Variants in DBNL observed in about 807,000 individuals in gnomAD.
DBNL encodes the protein drebrin like, also known as drebrin-like protein.
DBNL carries 35 observed loss-of-function variants against 62.2 expected under a neutral mutation model. The ratio of observed to expected loss-of-function variants is 0.56; its 90% CI spans 0.43 to 0.75. The LOEUF is 0.75. DBNL is among the 30% of genes least tolerant of loss of function. The pLI is 0.00. For synonymous variants in DBNL, 197 were observed against 218.0 expected (o/e 0.90, Z 0.85); for missense variants, 495 against 578.4 (o/e 0.86, Z 1.48).
chr7:44,057,028 AAC>A, intron 5 of DBNL, 125 bp downstream of exon 5: 1 of 1,399,258 alleles, frequency 7.1e-7, no homozygotes, highest in Non-Finnish European at 9.7e-7. Context: ...TGCAGATGGT[AAC>A]CCCTGAGCTG....
chr7:44,044,977 C>A, intron 1 of DBNL, 157 bp downstream of exon 1: 1 of 640,690 alleles, frequency 1.6e-6, no homozygotes, highest in Non-Finnish European at 2.4e-6. Flanking sequence ...CACACCGCAG[C>A]AGGAGTGCTG....
rs201126185 is a variant in DBNL at position 44,062,828 on chromosome 7, A to C, written c.*1912A>C. On this transcript the variant is annotated 3_prime_UTR_variant, in exon 13 of 13. Transcript: ENST00000448521. Reference sequence around the variant, plus strand: ...CTTCCGCACCGTTTCCTCATCACCCAGGAACTGCATGGGCTTGGTGGGCTT... The same window carrying C: ...CTTCCGCACCGTTTCCTCATCACCCCGGAACTGCATGGGCTTGGTGGGCTT... 6.2e-7 allele frequency: 1 copy of C among 1,614,168 alleles called. No individual in the cohort carries two copies. Among genetic ancestry groups the C allele is most frequent in the African/African-American group, 1.3e-5 (1 of 75,052 alleles).
In DBNL at chr7:44,064,666, A is replaced by AT; in HGVS notation, c.*3753dup. ...TCCCAGTTACACAGAAATGGGGAAA[A>AT]TTTCACAAAACTAAAAAATGGCTTC... On this transcript the variant is annotated 3_prime_UTR_variant, in exon 13 of 13. Transcript: ENST00000448521. 2 of 670,962 alleles carry AT rather than the reference A, an allele frequency of 3.0e-6. No individual in the cohort carries two copies. Among genetic ancestry groups the AT allele is most frequent in the East Asian group, 5.4e-5 (2 of 36,724 alleles). The allele number at this position is 670,962 out of a possible 1,614,324, so 41.6% of individuals were successfully genotyped here.
At chr7:44,050,334 C>G in intron 2 of DBNL, 54 bp downstream of exon 2, 1 of 1,595,884 alleles carries the variant, frequency 6.3e-7, no homozygotes, top group South Asian at 1.1e-5. Flanking sequence ...AGGGTGACGA[C>G]GAGGGGTCAG....
chr7:44,064,072 C>T lies in DBNL; in HGVS notation c.*3156C>T, dbSNP rs2096154399. 1.3e-5 allele frequency: 2 copies of T among 152,560 alleles called. No homozygotes were observed. The highest frequency in any genetic ancestry group is 2.4e-5 in the African/African-American group (1 of 41,468). The allele number at this position is 152,560 out of a possible 1,614,324, so 9.5% of individuals were successfully genotyped here. On this transcript the variant is annotated 3_prime_UTR_variant, in exon 13 of 13. Coordinates refer to ENST00000448521, the MANE Select transcript of DBNL (RefSeq NM_001014436.3). The stretch of plus-strand genomic sequence containing the variant: ...GGAGGTCTGGGGCACACCCTTCTAG[C>T]CTTTCCAGGACTCAACAAGCTTTAA...
chr7:44,054,333 C>T (rs2079797370), intron 4 of DBNL, among the ~76,000 whole-genome samples: 2 of 152,094 alleles, frequency 1.3e-5, no homozygotes, highest in Admixed American at 1.3e-4. Flanking sequence ...GTTGGGATTA[C>T]AGGTGCCTGC....
rs1223580598 is a variant in DBNL, at chr7:44,059,529, G to C, written c.932-14G>C. On this transcript the variant is annotated splice_polypyrimidine_tract_variant and intron_variant, in intron 10 of 12. Transcript: ENST00000448521. The surrounding 1 kb of genome is among the most constrained non-coding windows in gnomAD (Gnocchi z 4.1). ...ATGTGTGGGAGTGAGAACCTGCTGTGTTCCCTGGTGCAGATCTCCCTGCTG... is the reference window on the plus strand; with the variant it reads ...ATGTGTGGGAGTGAGAACCTGCTGTCTTCCCTGGTGCAGATCTCCCTGCTG... The C allele has an allele frequency of 6.2e-7, 1 of 1,613,526 alleles. No individual in the cohort carries two copies. The highest frequency in any genetic ancestry group is 8.5e-7 in the Non-Finnish European group (1 of 1,179,840).
Position 44,059,373 on chromosome 7 carries a change from C to T in DBNL, c.855C>T (p.Phe285=). The change falls in exon 10 of 13, where the codon TTC becomes TTT. Residue 285 remains phenylalanine (F), a synonymous_variant. Transcript: ENST00000448521. The surrounding 1 kb of genome is among the most constrained non-coding windows in gnomAD (Gnocchi z 4.1). ...TTGCAGGCAAGCTGAGGAGCCCCTTCCTGCAGAAGCAGCTCACCCAACCAG... is the reference window on the plus strand; with the variant it reads ...TTGCAGGCAAGCTGAGGAGCCCCTTTCTGCAGAAGCAGCTCACCCAACCAG... ...SPQPGKLRSP[F]LQKQLTQPET... is the part of the protein sequence containing the mutation. 1 of 1,614,064 alleles carries T rather than the reference C, an allele frequency of 6.2e-7. No homozygotes were observed. Among genetic ancestry groups the T allele is most frequent in the Non-Finnish European group, 8.5e-7 (1 of 1,179,984 alleles).
At position 44,060,743 on chromosome 7, in the gene DBNL, C is replaced by A; in HGVS notation, c.1154-34C>A. ...GAGCAGGTGGGATGTGGGAGGGAGC[C>A]CCTGATATGCATCTGGGCTCATCCT... On this transcript the variant is annotated intron_variant, in intron 12 of 12. Coordinates refer to ENST00000448521, the MANE Select transcript of DBNL (RefSeq NM_001014436.3). This position sits in a 1 kb window ranked among gnomAD's most constrained non-coding sequence, Gnocchi z 6.3. The A allele has an allele frequency of 6.2e-7, 1 of 1,602,720 alleles. No homozygotes were observed. Among genetic ancestry groups the A allele is most frequent in the Non-Finnish European group, 8.5e-7 (1 of 1,172,032 alleles).
Position 44,066,893 on chromosome 7 carries a change from T to C in DBNL, c.*5977T>C, listed in dbSNP as rs986494176. On this transcript the variant is annotated 3_prime_UTR_variant, in exon 13 of 13. Transcript: ENST00000448521. Reference sequence around the variant, plus strand: ...TGAAGCCACATCTCCTCATCTGCTTTTGTCCCTTTGACCAAGAGTTGATTC... The same window carrying C: ...TGAAGCCACATCTCCTCATCTGCTTCTGTCCCTTTGACCAAGAGTTGATTC... 3 of 152,386 alleles carry C rather than the reference T, an allele frequency of 2.0e-5. No homozygotes were observed. Among genetic ancestry groups the C allele is most frequent in the African/African-American group, 7.2e-5 (3 of 41,444 alleles). 9.4% of individuals were successfully genotyped at this position (152,386 alleles called of 1,614,324 possible). A position where few individuals can be genotyped will look rare whatever the true frequency, so the allele number is the denominator to read the frequency against.
At chr7:44,057,197 G>T (rs112390364) in intron 5 of DBNL, among the ~76,000 whole-genome samples, 3,911 of 152,338 alleles carry the variant, frequency 0.026, 150 homozygotes, top group African/African-American at 0.089. Flanking sequence ...CTGCCCTCAA[G>T]GTCATGGCAC....
intron 5 of DBNL, 106 bp downstream of exon 5, chr7:44,057,009 C>T: frequency 6.6e-7 from 1 of 1,508,096 alleles, no homozygotes; most frequent in Non-Finnish European, 9.0e-7. Flanking sequence ...CCCATGCCTG[C>T]TTAGTTTCTG....
Position 44,060,207 on chromosome 7 carries a change from CAAGAGGGT to C in DBNL, c.1153+55_1153+62del. 1 of 1,515,666 alleles carries C rather than the reference CAAGAGGGT, an allele frequency of 6.6e-7. No individual in the cohort carries two copies. Among genetic ancestry groups the C allele is most frequent in the South Asian group, 1.1e-5 (1 of 87,058 alleles). The allele number at this position is 1,515,666 out of a possible 1,614,324, so 93.9% of individuals were successfully genotyped here. ...ACCACAGGGTCCTGAGGTTAGGAGA[CAAGAGGGT>C]CTGGGGTTTTATGGGAAGATGGCAC... On this transcript the variant is annotated intron_variant, in intron 12 of 12. Coordinates refer to ENST00000448521, the MANE Select transcript of DBNL (RefSeq NM_001014436.3). This position sits in a 1 kb window ranked among gnomAD's most constrained non-coding sequence, Gnocchi z 6.3.
rs755189098 is a variant in DBNL, at chr7:44,065,996, G to A, written c.*5080G>A. ...GTGATTGGCAGCCAGGCTAGGAGGCGGCCCTCAGCAGGCAGAGGAGGAGAG... is the reference window on the plus strand; with the variant it reads ...GTGATTGGCAGCCAGGCTAGGAGGCAGCCCTCAGCAGGCAGAGGAGGAGAG... On this transcript the variant is annotated 3_prime_UTR_variant, in exon 13 of 13. Transcript: ENST00000448521. The A allele has an allele frequency of 1.4e-4, 39 of 278,382 alleles. No homozygotes were observed. The highest frequency in any genetic ancestry group is 2.0e-4 in the Non-Finnish European group (28 of 140,696). The allele number at this position is 278,382 out of a possible 1,614,324, so 17.2% of individuals were successfully genotyped here.
intron 1 of DBNL, among the ~76,000 whole-genome samples, chr7:44,049,409 G>A (rs186664426): frequency 9.9e-4 from 151 of 152,270 alleles, no homozygotes; most frequent in African/African-American, 3.3e-3. Context: ...ACATCTGCCC[G>A]CCTCGGCCTC....
Position 44,069,456 on chromosome 7 carries a change from G to A in DBNL, c.*8540G>A, listed in dbSNP as rs2012434746. 1 of 152,114 alleles carries A rather than the reference G, an allele frequency of 6.6e-6. No individual in the cohort carries two copies. The highest frequency in any genetic ancestry group is 1.5e-5 in the Non-Finnish European group (1 of 68,028). 9.4% of individuals were successfully genotyped at this position (152,114 alleles called of 1,614,324 possible). A position where few individuals can be genotyped will look rare whatever the true frequency, so the allele number is the denominator to read the frequency against. ...AGAGTATGTGTATTTGGCCGGGCAG[G>A]GTGGCTCATGCCTGTAATCCCAGCA... On this transcript the variant is annotated 3_prime_UTR_variant, in exon 13 of 13. Coordinates refer to ENST00000448521, the MANE Select transcript of DBNL (RefSeq NM_001014436.3).
At position 44,065,806 on chromosome 7, in the gene DBNL, A is replaced by G. The variant is rs1428968742; in HGVS notation, c.*4890A>G. 1.8e-6 allele frequency: 1 copy of G among 544,340 alleles called. No homozygotes were observed. The highest frequency in any genetic ancestry group is 3.3e-6 in the Non-Finnish European group (1 of 300,950). The allele number at this position is 544,340 out of a possible 1,614,324, so 33.7% of individuals were successfully genotyped here. On this transcript the variant is annotated 3_prime_UTR_variant, in exon 13 of 13. Transcript: ENST00000448521. ...TAACCAGCTGGCACCCAGAGCCCAG[A>G]CTGAGTGGGGCTGCTGGTCAGGGAT...
chr7:44,053,956 G>C (rs139858700), intron 4 of DBNL, among the ~76,000 whole-genome samples: 1 of 152,002 alleles, frequency 6.6e-6, no homozygotes, highest in Non-Finnish European at 1.5e-5. Context: ...GATTACAGGC[G>C]TGAACCACCA....
rs1011976546 is a variant in DBNL, at chr7:44,059,798, G to A, written c.1047+140G>A. The A allele has an allele frequency of 6.6e-6, 6 of 909,564 alleles. No individual in the cohort carries two copies. In the African/African-American group the frequency reaches 6.7e-5, roughly 10 times the overall value. The allele number at this position is 909,564 out of a possible 1,614,324, so 56.3% of individuals were successfully genotyped here. A position where few individuals can be genotyped will look rare whatever the true frequency, so the allele number is the denominator to read the frequency against. On this transcript the variant is annotated intron_variant, in intron 11 of 12. Transcript: ENST00000448521. The surrounding 1 kb of genome is among the most constrained non-coding windows in gnomAD (Gnocchi z 4.1). ...TTGGAGCAGCCCTGTGTTATAAATT[G>A]TCAGGGCACGCCCCACTCTATAGGA... is the stretch of plus-strand genomic sequence containing the variant.
Sources: gnomAD v4.1 joint callset for allele counts (sites outside exome capture counted in the v4.1 genomes callset) on GRCh38, gnomAD v4.1.1 for gene constraint, Gnocchi (gnomAD v3.1) non-coding constraint, MANE v1.5 for transcripts, NCBI Gene and HGNC (gene_info 2026-07-23, HGNC 2026-07-21) for gene names.